The following HOXB3 variants were observed in gnomAD, a reference collection of about 807,000 sequenced individuals.
HOXB3 encodes homeobox protein Hox-B3.
In HOXB3, 17 loss-of-function variants were observed where a neutral mutation model predicts 29.2. The observed-to-expected ratio is 0.58, with a 90% CI of 0.40 to 0.87. The LOEUF (loss-of-function observed/expected upper bound fraction) is 0.87, where lower values mean the gene tolerates loss of function less well. Among genes scored for constraint, HOXB3 ranks in the 40% least tolerant of loss-of-function variants. The pLI is 0.00. For missense variants in HOXB3, 637 were observed against 616.3 expected (o/e 1.03, Z -0.35); for synonymous variants, 317 against 285.9 (o/e 1.11, Z -1.10).
At position 48,551,168 on chromosome 17, in the gene HOXB3, A is replaced by C. The variant is rs528496753; in HGVS notation, c.462T>G (p.Gly154=). 2.5e-5 allele frequency: 32 copies of C among 1,285,460 alleles called. No individual in the cohort carries two copies. The highest frequency in any genetic ancestry group is 3.1e-5 in the Non-Finnish European group (31 of 1,015,260). 79.6% of individuals were successfully genotyped at this position (1,285,460 alleles called of 1,614,324 possible). A position where few individuals can be genotyped will look rare whatever the true frequency, so the allele number is the denominator to read the frequency against. ...NNSPGTAEGC[G]GGGGGGGGGG... The stretch of plus-strand genomic sequence containing the variant: ...CGCCGCCGCCGCCACCGCCGCCGCC[A>C]CCACAGCCCTCTGCTGGATCCGAGG... Residue 154 remains glycine, a synonymous_variant, in exon 5 of 5, where the codon GGT becomes GGG. Coordinates refer to ENST00000498678, the MANE Select transcript of HOXB3 (RefSeq NM_001384749.1).
chr17:48,549,529 A>G lies in HOXB3; in HGVS notation c.*805T>C, dbSNP rs547991813. ...GAAAAGTATAGAACCTCGTGTCACC[A>G]ACTGCTTTCTGTGGAGAGGGGGATG... On this transcript the variant is annotated 3_prime_UTR_variant, in exon 5 of 5. Coordinates refer to ENST00000498678, the MANE Select transcript of HOXB3 (RefSeq NM_001384749.1). The G allele has an allele frequency of 6.5e-6, 1 of 152,760 alleles. No individual in the cohort carries two copies. The highest frequency in any genetic ancestry group is 6.5e-5 in the Admixed American group (1 of 15,298). 9.5% of individuals were successfully genotyped at this position (152,760 alleles called of 1,614,324 possible). A position where few individuals can be genotyped will look rare whatever the true frequency, so the allele number is the denominator to read the frequency against.
At chr17:48,563,467 A>G (rs904327041) in intron 2 of HOXB3, among the ~76,000 whole-genome samples, 4 of 152,152 alleles carry the variant, frequency 2.6e-5, no homozygotes, top group African/African-American at 9.7e-5. Flanking sequence ...CACTCACACA[A>G]TACACAAACA....
chr17:48,560,805 G>A (rs1444016459), intron 2 of HOXB3, among the ~76,000 whole-genome samples: 1 of 152,192 alleles, frequency 6.6e-6, no homozygotes, highest in African/African-American at 2.4e-5. Context: ...TTCCTCCCAA[G>A]AAGCCAGGGC....
intron 2 of HOXB3, among the ~76,000 whole-genome samples, chr17:48,559,096 C>T (rs1597825636): frequency 6.6e-6 from 1 of 151,918 alleles, no homozygotes; most frequent in African/African-American, 2.4e-5. Flanking sequence ...TTTCCTCTTC[C>T]ATTCCGTTTC....
intron 1 of HOXB3, chr17:48,578,051 G>A: frequency 6.7e-6 from 6 of 894,198 alleles, no homozygotes; most frequent in Non-Finnish European, 8.2e-6. Flanking sequence ...AGCCCGAGGG[G>A]ACAGACCGGG....
rs773117081 is a variant in HOXB3, at chr17:48,550,613, G to GC, written c.1016dup (p.Ala340ArgfsTer82). 6.6e-7 allele frequency: 1 copy of GC among 1,520,310 alleles called. No individual in the cohort carries two copies. The highest frequency in any genetic ancestry group is 8.8e-7 in the Non-Finnish European group (1 of 1,138,912). The allele number at this position is 1,520,310 out of a possible 1,614,324, so 94.2% of individuals were successfully genotyped here. A position where few individuals can be genotyped will look rare whatever the true frequency, so the allele number is the denominator to read the frequency against. On this transcript the variant is annotated frameshift_variant, in exon 5 of 5. Coordinates refer to ENST00000498678, the MANE Select transcript of HOXB3 (RefSeq NM_001384749.1). LOFTEE classifies it high-confidence loss of function. ...CCTGCATGGTGGGCGTCCCGTAGGCGCCCCCGTTGGCTTGGAGGACGTGCG... is the reference window on the plus strand; with the variant it reads ...CCTGCATGGTGGGCGTCCCGTAGGCGCCCCCCGTTGGCTTGGAGGACGTGCG...
chr17:48,551,877 T>A, intron 4 of HOXB3, 150 bp downstream of exon 4: 1 of 726,570 alleles, frequency 1.4e-6, no homozygotes, highest in Non-Finnish European at 2.3e-6. Context: ...CAGGGGTCAT[T>A]AGGGGGTAGG....
chr17:48,574,671 A>G (rs950700524), intron 1 of HOXB3, among the ~76,000 whole-genome samples: 1 of 152,148 alleles, frequency 6.6e-6, no homozygotes, highest in African/African-American at 2.4e-5. Context: ...CAGACCTTAG[A>G]ACTTCCAAGC....
chr17:48,568,219 G>A (rs1457322937), intron 2 of HOXB3, among the ~76,000 whole-genome samples: 1 of 152,206 alleles, frequency 6.6e-6, no homozygotes, highest in Non-Finnish European at 1.5e-5. Context: ...AACTCCTGGA[G>A]GGGAGCTGCT....
At chr17:48,555,682 C>T in intron 2 of HOXB3, 64 bp from the exon 3 acceptor site, 1 of 693,586 alleles carries the variant, frequency 1.4e-6, no homozygotes. Flanking sequence ...CCCCCGCCCC[C>T]GCCCCGCAAA....
intron 2 of HOXB3, among the ~76,000 whole-genome samples, chr17:48,560,704 A>C (rs1260229886): frequency 2.0e-5 from 3 of 152,224 alleles, no homozygotes; most frequent in Non-Finnish European, 4.4e-5. Flanking sequence ...AATAAAAGCA[A>C]GTATAGAGTG....
intron 1 of HOXB3, chr17:48,576,907 G>C: frequency 2.5e-6 from 4 of 1,614,236 alleles, no homozygotes; most frequent in South Asian, 2.2e-5. Context: ...TCCACCCTCC[G>C]GCGCCGTGTC....
chr17:48,559,180 C>A (rs1475691584), intron 2 of HOXB3, among the ~76,000 whole-genome samples: 3 of 152,088 alleles, frequency 2.0e-5, no homozygotes, highest in Non-Finnish European at 4.4e-5. Flanking sequence ...GCGACGGGAG[C>A]ACTTTAAACC....
chr17:48,552,812 AT>A (rs1487612190), intron 3 of HOXB3, 180 bp from the exon 4 acceptor site: 3 of 289,658 alleles, frequency 1.0e-5, no homozygotes, highest in African/African-American at 2.2e-5. Flanking sequence ...AAATAAAAAA[AT>A]AAATAAAGAC....
intron 1 of HOXB3, chr17:48,581,933 C>T (rs2069951117): frequency 6.6e-6 from 1 of 152,308 alleles, no homozygotes; most frequent in African/African-American, 2.4e-5. Flanking sequence ...GGCTGCCTCT[C>T]CCCTTCACCG....
chr17:48,561,520 A>T (rs1248340052), intron 2 of HOXB3, among the ~76,000 whole-genome samples: 1 of 152,252 alleles, frequency 6.6e-6, no homozygotes, highest in East Asian at 1.9e-4. Flanking sequence ...GCAAATAAAC[A>T]TGCAGTAACT....
intron 1 of HOXB3, chr17:48,575,360 C>T (rs1177163427): frequency 6.6e-6 from 1 of 152,192 alleles, no homozygotes; most frequent in East Asian, 1.9e-4. Context: ...AATTTGGAGT[C>T]CTCTGAGATA....
chr17:48,571,749 C>G (rs868224937), intron 2 of HOXB3, among the ~76,000 whole-genome samples: 41 of 152,196 alleles, frequency 2.7e-4, no homozygotes, highest in African/African-American at 9.2e-4. Context: ...CCAGGAGCAG[C>G]CTAGCTAGCT....
chr17:48,549,977 A>G lies in HOXB3; in HGVS notation c.*357T>C, dbSNP rs1176902747. ...TCCGTTGGTTGGTGATGGCCTAGCC[A>G]TCTTGTCTGGTTTTTAAAATGTGCT... On this transcript the variant is annotated 3_prime_UTR_variant, in exon 5 of 5. Coordinates refer to ENST00000498678, the MANE Select transcript of HOXB3 (RefSeq NM_001384749.1). The G allele has an allele frequency of 4.7e-6, 1 of 211,240 alleles. No individual in the cohort carries two copies. Among genetic ancestry groups the G allele is most frequent in the Non-Finnish European group, 9.5e-6 (1 of 104,868 alleles). 13.1% of individuals were successfully genotyped at this position (211,240 alleles called of 1,614,324 possible).
Sources: gnomAD v4.1 joint callset for allele counts (sites outside exome capture counted in the v4.1 genomes callset) on GRCh38, gnomAD v4.1.1 for gene constraint, MANE v1.5 for transcripts, NCBI Gene and HGNC (gene_info 2026-07-23, HGNC 2026-07-21) for gene names.